RNF144A: variants seen among roughly 807,000 people sequenced by gnomAD.
RNF144A encodes the protein ring finger protein 144A.
In RNF144A, 11 loss-of-function variants were observed where a neutral mutation model predicts 38.7. The ratio of observed to expected loss-of-function variants is 0.28; its 90% CI spans 0.18 to 0.47. The LOEUF (loss-of-function observed/expected upper bound fraction) is 0.47, where lower values mean the gene tolerates loss of function less well. Among genes scored for constraint, RNF144A ranks in the 20% least tolerant of loss-of-function variants. The pLI, the probability that RNF144A is intolerant of heterozygous loss-of-function variation, is 0.99. For missense variants in RNF144A, 316 were observed against 377.2 expected (o/e 0.84, Z 1.34); for synonymous variants, 149 against 143.9 (o/e 1.04, Z -0.25).
intron 1 of RNF144A, among the ~76,000 whole-genome samples, chr2:6,926,835 A>G (rs1461807219): frequency 2.6e-5 from 4 of 152,068 alleles, no homozygotes; most frequent in African/African-American, 9.7e-5. Flanking sequence ...TTGTTCTTTA[A>G]TCCATCATTT....
chr2:7,052,411 A>G (rs559897551), intron 6 of RNF144A, among the ~76,000 whole-genome samples: 2 of 152,274 alleles, frequency 1.3e-5, no homozygotes, highest in African/African-American at 2.4e-5. Flanking sequence ...AGTTAAGTTC[A>G]CCTGCTCACA....
chr2:6,962,441 G>A lies in RNF144A; in HGVS notation c.-12+21294G>A, dbSNP rs1667404685. On this transcript the variant is annotated intron_variant, in intron 2 of 8. Coordinates refer to ENST00000320892, the MANE Select transcript of RNF144A (RefSeq NM_014746.6). This position sits in a 1 kb window ranked among gnomAD's most constrained non-coding sequence, Gnocchi z 4.1. Reference sequence around the variant, plus strand: ...TTATGTTTGCAGCTCCATTTCTCAGGCTGTTCTTTGTTACAAGAGAAATGA... The same window carrying A: ...TTATGTTTGCAGCTCCATTTCTCAGACTGTTCTTTGTTACAAGAGAAATGA... Among the ~76,000 whole-genome samples the A allele has an allele frequency of 6.6e-6, 1 of 152,120 alleles. No homozygotes were observed. Among genetic ancestry groups the A allele is most frequent in the African/African-American group, 2.4e-5 (1 of 41,408 alleles).
chr2:7,014,504 A>G lies in RNF144A; in HGVS notation c.186A>G (p.Ala62=), dbSNP rs1354042812. ...ELLIKEGLET[A]ISCPDAACPK... ...TGATCAAAGAAGGATTAGAAACCGC[A>G]ATTAGCTGCCCAGATGCTGCCTGCC... Residue 62 remains alanine (A), a synonymous_variant, in exon 4 of 9, where the codon GCA becomes GCG. Coordinates refer to ENST00000320892, the MANE Select transcript of RNF144A (RefSeq NM_014746.6). 12 of 1,611,362 alleles carry G rather than the reference A, an allele frequency of 7.4e-6. No individual in the cohort carries two copies. Among genetic ancestry groups the G allele is most frequent in the South Asian group, 1.1e-5 (1 of 90,400 alleles).
At chr2:6,925,048 G>T (rs766428290) in intron 1 of RNF144A, among the ~76,000 whole-genome samples, 2 of 152,210 alleles carry the variant, frequency 1.3e-5, no homozygotes, top group African/African-American at 2.4e-5. Flanking sequence ...GCCACACGGC[G>T]AATTTTGATA....
At chr2:7,063,231 A>T (rs957956350) in intron 6 of RNF144A, among the ~76,000 whole-genome samples, 4 of 152,224 alleles carry the variant, frequency 2.6e-5, no homozygotes, top group African/African-American at 9.7e-5. Flanking sequence ...AAGAGGACAT[A>T]TTTAAGAGAT....
chr2:7,013,999 A>G (rs1358162523), intron 3 of RNF144A, among the ~76,000 whole-genome samples: 1 of 152,194 alleles, frequency 6.6e-6, no homozygotes, highest in Non-Finnish European at 1.5e-5. Context: ...TCCTTTGCTG[A>G]CTCAGTTTTC....
Position 6,996,941 on chromosome 2 carries a change from G to A in RNF144A, c.15G>A (p.Arg5=). ...ACTGTTCTGCGATGACCACAACAAG[G>A]TACCGGCCCACCTGGGACCTGGCCC... MTTT[R]YRPTWDLALD... Residue 5 remains arginine, a synonymous_variant, in exon 3 of 9, where the codon AGG becomes AGA. Transcript: ENST00000320892. 6.2e-7 allele frequency: 1 copy of A among 1,613,822 alleles called. No individual in the cohort carries two copies. Among genetic ancestry groups the A allele is most frequent in the Non-Finnish European group, 8.5e-7 (1 of 1,179,894 alleles).
chr2:6,971,768 G>T (rs3772002), intron 2 of RNF144A, among the ~76,000 whole-genome samples: 23,232 of 151,908 alleles, frequency 0.15, 1,808 homozygotes, highest in East Asian at 0.21. Flanking sequence ...TGACCATTTT[G>T]TTTTTGGCAT....
At chr2:6,984,787 A>G (rs887044248) in intron 2 of RNF144A, among the ~76,000 whole-genome samples, 2 of 152,140 alleles carry the variant, frequency 1.3e-5, no homozygotes, top group Non-Finnish European at 2.9e-5. Flanking sequence ...AGCCTTTAGG[A>G]TTTAATGTGG....
Position 7,030,121 on chromosome 2 carries a change from C to T in RNF144A, c.658-5C>T. The stretch of plus-strand genomic sequence containing the variant: ...TCATGCCGTCTCTGTCTCTGCCCCT[C>T]ACAGGATGATTTCCTTCTGATACAC... On this transcript the variant is annotated splice_region_variant and splice_polypyrimidine_tract_variant and intron_variant, in intron 7 of 8. Coordinates refer to ENST00000320892, the MANE Select transcript of RNF144A (RefSeq NM_014746.6). 1.2e-6 allele frequency: 2 copies of T among 1,610,240 alleles called. No homozygotes were observed. Among genetic ancestry groups the T allele is most frequent in the East Asian group, 4.5e-5 (2 of 44,858 alleles).
chr2:6,982,310 G>T (rs1478781419), intron 2 of RNF144A, among the ~76,000 whole-genome samples: 1 of 152,196 alleles, frequency 6.6e-6, no homozygotes, highest in Non-Finnish European at 1.5e-5. Context: ...GTCAGAAGAT[G>T]GGTGCATTAG....
chr2:7,033,100 G>C (rs2103450716), intron 8 of RNF144A, among the ~76,000 whole-genome samples: 1 of 152,378 alleles, frequency 6.6e-6, no homozygotes, highest in African/African-American at 2.4e-5. Flanking sequence ...GTGAGTTCCA[G>C]GTGAGAGCAG....
chr2:7,018,515 C>T (rs1413132775), intron 5 of RNF144A, among the ~76,000 whole-genome samples: 1 of 152,200 alleles, frequency 6.6e-6, no homozygotes, highest in African/African-American at 2.4e-5. Context: ...CGCTCAGTGC[C>T]CCAGGCTGGC....
chr2:6,996,088 G>C lies in RNF144A; in HGVS notation c.-11-828G>C, dbSNP rs539249856. The stretch of plus-strand genomic sequence containing the variant: ...GGTTCTGCCCCTCCATGTGGTCCTT[G>C]TGCCTTGTCTTCTGGTGAAAGATGC... On this transcript the variant is annotated intron_variant, in intron 2 of 8. Coordinates refer to ENST00000320892, the MANE Select transcript of RNF144A (RefSeq NM_014746.6). Among the ~76,000 whole-genome samples, 27 of 152,250 alleles carry C rather than the reference G, an allele frequency of 1.8e-4. No homozygotes were observed. The South Asian group carries it at 5.6e-3, about 32-fold the overall frequency.
chr2:7,010,242 A>C (rs1473586597), intron 3 of RNF144A, among the ~76,000 whole-genome samples: 1 of 152,168 alleles, frequency 6.6e-6, no homozygotes, highest in Non-Finnish European at 1.5e-5. Flanking sequence ...AAGTGGAGGC[A>C]CTGGGAGAGA....
downstream of RNF144A, among the ~76,000 whole-genome samples, chr2:7,070,707 T>A (rs1346085470): frequency 6.6e-6 from 1 of 152,110 alleles, no homozygotes; most frequent in East Asian, 1.9e-4. Flanking sequence ...AAAACAGAGA[T>A]GCACTGAGAG....
intron 1 of RNF144A, among the ~76,000 whole-genome samples, chr2:6,939,316 G>T (rs1404969270): frequency 2.0e-5 from 3 of 152,128 alleles, no homozygotes; most frequent in Non-Finnish European, 4.4e-5. Context: ...GTTTCGATTT[G>T]CATTTCCCTA....
At chr2:7,029,705 C>A (rs389323) in intron 7 of RNF144A, among the ~76,000 whole-genome samples, 53,660 of 152,188 alleles carry the variant, frequency 0.35, 10,513 homozygotes, top group East Asian at 0.71. Flanking sequence ...GGCAGAGGGA[C>A]TCTGGTGGAG....
intron 2 of RNF144A, among the ~76,000 whole-genome samples, chr2:6,982,283 C>A (rs555626815): frequency 1.9e-4 from 29 of 152,300 alleles, no homozygotes; most frequent in African/African-American, 6.7e-4. Context: ...TTGCAATGTG[C>A]TGTGTGTCAT....
Sources: gnomAD v4.1 joint callset for allele counts (sites outside exome capture counted in the v4.1 genomes callset) on GRCh38, gnomAD v4.1.1 for gene constraint, Gnocchi (gnomAD v3.1) non-coding constraint, MANE v1.5 for transcripts, NCBI Gene and HGNC (gene_info 2026-07-23, HGNC 2026-07-21) for gene names.